The following PDE4D variants were observed in gnomAD, a reference collection of about 807,000 sequenced individuals.
The protein encoded by PDE4D is phosphodiesterase 4D.
PDE4D carries 24 observed loss-of-function variants against 87.4 expected under a neutral mutation model. The observed-to-expected ratio is 0.27, with a 90% CI of 0.20 to 0.39. The LOEUF is 0.39. Among genes scored for constraint, PDE4D ranks in the 10% least tolerant of loss-of-function variants. The pLI is 1.00. For missense variants in PDE4D, 714 were observed against 1,041.0 expected (o/e 0.69, Z 4.32); for synonymous variants, 384 against 383.2 (o/e 1.00, Z -0.02).
At chr5:59,694,880 A>G (rs150033389) in intron 1 of PDE4D, among the ~76,000 whole-genome samples, 1 of 152,306 alleles carries the variant, frequency 6.6e-6, no homozygotes, top group East Asian at 1.9e-4. Context: ...GACTTTTACC[A>G]AACATTACTA....
chr5:60,334,468 T>A (rs1583451703), intron 1 of PDE4D, among the ~76,000 whole-genome samples: 1 of 152,174 alleles, frequency 6.6e-6, no homozygotes, highest in Non-Finnish European at 1.5e-5. Flanking sequence ...ATCGCAGTGA[T>A]CCCAGTAGCC....
chr5:59,444,185 A>G (rs1283573020), intron 1 of PDE4D, among the ~76,000 whole-genome samples: 1 of 152,208 alleles, frequency 6.6e-6, no homozygotes. Context: ...CAGCATAGTG[A>G]GAAAACAAGA....
At chr5:60,178,098 A>C (rs1035596759) in intron 2 of PDE4D, among the ~76,000 whole-genome samples, 26 of 152,216 alleles carry the variant, frequency 1.7e-4, no homozygotes, top group African/African-American at 6.3e-4. Context: ...ATATTTCATC[A>C]GATTGTTAAA....
chr5:59,028,109 A>G (rs1245705522), intron 6 of PDE4D, among the ~76,000 whole-genome samples: 2 of 152,178 alleles, frequency 1.3e-5, no homozygotes, highest in East Asian at 1.9e-4. Context: ...TCTGCACTGC[A>G]TTATGCATTT....
At position 59,893,338 on chromosome 5, in the gene PDE4D, G is replaced by A. The variant is rs771915718; in HGVS notation, c.285C>T (p.Tyr95=). ...PPPPGAARGR[Y]ASSGATGRVR... is the part of the protein sequence containing the mutation. ...CGCGGCCGGTGGCCCCGCTCGAGGCGTAGCGGCCGCGGGCAGCCCCGGGCG... is the reference window on the plus strand; with the variant it reads ...CGCGGCCGGTGGCCCCGCTCGAGGCATAGCGGCCGCGGGCAGCCCCGGGCG... Residue 95 remains tyrosine, a synonymous_variant, in exon 1 of 15, where the codon TAC becomes TAT. Coordinates refer to ENST00000340635, the MANE Select transcript of PDE4D (RefSeq NM_001104631.2). 6.7e-7 allele frequency: 1 copy of A among 1,481,988 alleles called. No individual in the cohort carries two copies. The highest frequency in any genetic ancestry group is 9.0e-7 in the Non-Finnish European group (1 of 1,112,014). 91.8% of individuals were successfully genotyped at this position (1,481,988 alleles called of 1,614,324 possible).
At chr5:59,289,194 G>A (rs1767544255) in intron 1 of PDE4D, among the ~76,000 whole-genome samples, 2 of 151,878 alleles carry the variant, frequency 1.3e-5, no homozygotes, top group African/African-American at 2.4e-5. Flanking sequence ...GTTTTAAAGC[G>A]GGGGACAAAG....
chr5:60,017,024 C>G (rs1765582962), intron 2 of PDE4D, among the ~76,000 whole-genome samples: 1 of 152,138 alleles, frequency 6.6e-6, no homozygotes, highest in Non-Finnish European at 1.5e-5. Context: ...CAAAATGACT[C>G]CTAGATCCAT....
chr5:59,961,717 AAT>A (rs1759491665), intron 3 of PDE4D, among the ~76,000 whole-genome samples: 1 of 152,192 alleles, frequency 6.6e-6, no homozygotes, highest in African/African-American at 2.4e-5. Context: ...CATAAAGAAA[AAT>A]AAATAGTATA....
At chr5:60,201,950 A>G (rs1415736644) in intron 1 of PDE4D, among the ~76,000 whole-genome samples, 2 of 152,190 alleles carry the variant, frequency 1.3e-5, no homozygotes, top group Non-Finnish European at 2.9e-5. Context: ...GGACAACTTG[A>G]TAATCATTTG....
chr5:59,544,736 A>G (rs1188261597), intron 1 of PDE4D, among the ~76,000 whole-genome samples: 1 of 152,210 alleles, frequency 6.6e-6, no homozygotes, highest in Non-Finnish European at 1.5e-5. Context: ...TAGCTGAATT[A>G]GCAAGTGTTT....
intron 1 of PDE4D, among the ~76,000 whole-genome samples, chr5:59,612,969 G>A (rs971056814): frequency 2.0e-5 from 3 of 152,140 alleles, no homozygotes; most frequent in Non-Finnish European, 4.4e-5. Flanking sequence ...TCATTTTGAG[G>A]AAAATCAGAA....
chr5:60,020,538 T>TAC (rs567285617), intron 2 of PDE4D, among the ~76,000 whole-genome samples: 31 of 150,920 alleles, frequency 2.1e-4, no homozygotes, highest in Non-Finnish European at 3.7e-4. Flanking sequence ...TGTATACATA[T>TAC]ACACACACAC....
At chr5:59,428,986 T>C (rs949783282) in intron 1 of PDE4D, among the ~76,000 whole-genome samples, 1 of 152,196 alleles carries the variant, frequency 6.6e-6, no homozygotes, top group South Asian at 2.1e-4. Flanking sequence ...TAAAATACAC[T>C]GTGATGCCCA....
rs564225028 is a variant in PDE4D at position 59,033,206 on chromosome 5, G to A, written c.921+5653C>T. Reference sequence around the variant, plus strand: ...ACTGAACTTAACTAATTTCCTAATGGACGCAGCAGAATTGTTTGTTGTTTA... The same window carrying A: ...ACTGAACTTAACTAATTTCCTAATGAACGCAGCAGAATTGTTTGTTGTTTA... On this transcript the variant is annotated intron_variant, in intron 6 of 14. Transcript: ENST00000340635. Among the ~76,000 whole-genome samples, 6 of 152,258 alleles carry A rather than the reference G, an allele frequency of 3.9e-5. No homozygotes were observed. The South Asian group carries it at 1.2e-3, about 32-fold the overall frequency.
chr5:60,340,624 AAACC>A (rs1758232746), intron 1 of PDE4D, among the ~76,000 whole-genome samples: 1 of 147,482 alleles, frequency 6.8e-6, no homozygotes, highest in Non-Finnish European at 1.5e-5. Flanking sequence ...AAAAAAAAAA[AAACC>A]ACAAGTACTC....
intron 6 of PDE4D, among the ~76,000 whole-genome samples, chr5:59,034,108 G>A (rs10062189): frequency 6.6e-6 from 1 of 152,044 alleles, no homozygotes; most frequent in African/African-American, 2.4e-5. Flanking sequence ...TTTTCTAACA[G>A]TGATTATAGG....
At chr5:60,509,070 T>G (rs1750453365) in intron 1 of PDE4D, among the ~76,000 whole-genome samples, 1 of 152,106 alleles carries the variant, frequency 6.6e-6, no homozygotes, top group Non-Finnish European at 1.5e-5. Context: ...CAGCTGATTT[T>G]TATGTTTTTA....
chr5:59,437,695 T>A (rs2153634586), intron 1 of PDE4D, among the ~76,000 whole-genome samples: 1 of 151,128 alleles, frequency 6.6e-6, no homozygotes, highest in African/African-American at 2.4e-5. Context: ...ATGGCATAAC[T>A]CCTATCTAGG....
chr5:60,243,478 C>G (rs1267823149), intron 1 of PDE4D, among the ~76,000 whole-genome samples: 1 of 151,946 alleles, frequency 6.6e-6, no homozygotes, highest in Non-Finnish European at 1.5e-5. Flanking sequence ...CAGTATTACC[C>G]TGATACCAAA....
Sources: gnomAD v4.1 joint callset for allele counts (sites outside exome capture counted in the v4.1 genomes callset) on GRCh38, gnomAD v4.1.1 for gene constraint, MANE v1.5 for transcripts, NCBI Gene and HGNC (gene_info 2026-07-23, HGNC 2026-07-21) for gene names.